Variants in SMPD3 observed in about 807,000 individuals in gnomAD.
The protein encoded by SMPD3 is sphingomyelin phosphodiesterase 3.
Under a neutral mutation model 55.7 loss-of-function variants are expected in SMPD3, and 21 were observed. The ratio of observed to expected loss-of-function variants is 0.38; its 90% CI spans 0.27 to 0.54. SMPD3 has a LOEUF of 0.54. SMPD3 is among the 20% of genes least tolerant of loss of function. The probability of loss-of-function intolerance (pLI) is 0.80; values close to 1 mark genes in which losing one functional copy is unlikely to be tolerated. For synonymous variants in SMPD3, 457 were observed against 404.3 expected (o/e 1.13, Z -1.56); for missense variants, 842 against 899.6 (o/e 0.94, Z 0.82).
chr16:68,364,334 G>C (rs1020635942), intron 5 of SMPD3: 4 of 225,376 alleles, frequency 1.8e-5, no homozygotes, highest in Admixed American at 1.1e-4. Flanking sequence ...CAGCCTCTCT[G>C]AGTCTCAGCT....
At chr16:68,399,315 T>C (rs779916527) in intron 1 of SMPD3, among the ~76,000 whole-genome samples, 4 of 152,146 alleles carry the variant, frequency 2.6e-5, no homozygotes, top group African/African-American at 2.4e-5. Flanking sequence ...AAGGTGAAGG[T>C]CAGGAGGTGA....
intron 3 of SMPD3, among the ~76,000 whole-genome samples, chr16:68,365,493 A>C (rs2151975579): frequency 6.6e-6 from 1 of 151,416 alleles, no homozygotes; most frequent in Middle Eastern, 3.4e-3. Flanking sequence ...ACCTGGTCAC[A>C]CCCTGGTGCT....
intron 1 of SMPD3, among the ~76,000 whole-genome samples, chr16:68,401,163 C>T (rs915546848): frequency 6.6e-6 from 1 of 152,216 alleles, no homozygotes; most frequent in Non-Finnish European, 1.5e-5. Context: ...ATTTGTCATG[C>T]TCCAAAGTCT....
At chr16:68,362,088 CA>C (rs1195641482) in intron 7 of SMPD3, among the ~76,000 whole-genome samples, 1 of 152,178 alleles carries the variant, frequency 6.6e-6, no homozygotes, top group Non-Finnish European at 1.5e-5. Context: ...CCTGAGCCAA[CA>C]GGGGCCTGTT....
rs1323742539 is a variant in SMPD3 at position 68,371,063 on chromosome 16, T to G, written c.1119A>C (p.Lys373Asn). ...AGTAGCCGTGCAGCTGCTCTTTCAATTTGGTGGCTGCTCGCTTGTCAAACA... is the reference window on the plus strand; with the variant it reads ...AGTAGCCGTGCAGCTGCTCTTTCAAGTTGGTGGCTGCTCGCTTGTCAAACA... The part of the protein sequence containing the change: ...QEVFDKRAAT[K>N]LKEQLHGYFE... The change falls in exon 3 of 9, where the codon AAA (lysine) becomes AAC (asparagine). Residue 373 changes from lysine to asparagine, a missense_variant. By Grantham distance (94) the Lys-to-Asn change is moderately conservative. Around this residue, in one of 2 missense-constraint regions of SMPD3, gnomAD observed 649 missense variants for 643.6 expected, o/e 1.01. Coordinates refer to ENST00000219334, the MANE Select transcript of SMPD3 (RefSeq NM_018667.4). 3 of 1,614,172 alleles carry G rather than the reference T, an allele frequency of 1.9e-6. No individual in the cohort carries two copies. The highest frequency in any genetic ancestry group is 1.7e-5 in the Admixed American group (1 of 60,022).
chr16:68,367,430 TTTGTCGTGCG>T (rs2089515155), intron 3 of SMPD3: 1 of 79,206 alleles, frequency 1.3e-5, no homozygotes, highest in African/African-American at 8.7e-5. Context: ...GTCGGATCTG[TTTGTCGTGCG>T]CTGCTGTGCG....
In SMPD3 at chr16:68,359,435, G is replaced by C. The variant is rs959912797; in HGVS notation, c.*1771C>G. ...CGGGCAGACGGTGCTTCCCAGGCCA[G>C]GTGAGTTCAGACAGGCCAGTGTCAC... On this transcript the variant is annotated 3_prime_UTR_variant, in exon 9 of 9. Transcript: ENST00000219334. The C allele has an allele frequency of 2.0e-5, 3 of 152,706 alleles. No homozygotes were observed. Among genetic ancestry groups the C allele is most frequent in the Admixed American group, 1.3e-4 (2 of 15,290 alleles). The allele number at this position is 152,706 out of a possible 1,614,324, so 9.5% of individuals were successfully genotyped here.
At chr16:68,397,017 G>C (rs2090163238) in intron 1 of SMPD3, among the ~76,000 whole-genome samples, 1 of 152,192 alleles carries the variant, frequency 6.6e-6, no homozygotes, top group African/African-American at 2.4e-5. Flanking sequence ...AAGCAGCCTG[G>C]GGAGGGTAGG....
intron 1 of SMPD3, among the ~76,000 whole-genome samples, chr16:68,419,318 A>G (rs561852466): frequency 5.9e-5 from 9 of 152,336 alleles, no homozygotes; most frequent in African/African-American, 2.2e-4. Context: ...TGGAACATGC[A>G]TTGAGCACAT....
chr16:68,365,498 G>C (rs1395734640), intron 3 of SMPD3, among the ~76,000 whole-genome samples: 1 of 150,814 alleles, frequency 6.6e-6, no homozygotes, highest in Non-Finnish European at 1.5e-5. Flanking sequence ...GTCACACCCT[G>C]GTGCTTTCTC....
intron 7 of SMPD3, among the ~76,000 whole-genome samples, chr16:68,363,155 A>C (rs1353852454): frequency 7.2e-6 from 1 of 138,570 alleles, no homozygotes; most frequent in African/African-American, 2.9e-5. Flanking sequence ...CAGCTCTTTC[A>C]TGGGGGTCGA....
intron 1 of SMPD3, among the ~76,000 whole-genome samples, chr16:68,434,971 G>A (rs1406283137): frequency 6.6e-6 from 1 of 152,214 alleles, no homozygotes; most frequent in African/African-American, 2.4e-5. Flanking sequence ...CCACTCCTAG[G>A]AGGTGCCCCA....
At chr16:68,362,035 C>T (rs1374185559) in intron 7 of SMPD3, among the ~76,000 whole-genome samples, 4 of 152,232 alleles carry the variant, frequency 2.6e-5, no homozygotes, top group East Asian at 1.9e-4. Context: ...TTTCTGAACT[C>T]GGACAGAACT....
At position 68,405,545 on chromosome 16, in the gene SMPD3, CAAAAA is replaced by C. The variant is rs67518521; in HGVS notation, c.-268-18891_-268-18887del. ...TGGGTGACAGAGCAAGACCCTGTCT[CAAAAA>C]AAAAAAAAAAAAAAAAAGAAAAGAA... On this transcript the variant is annotated intron_variant, in intron 1 of 8. Coordinates refer to ENST00000219334, the MANE Select transcript of SMPD3 (RefSeq NM_018667.4). 8.2e-5 allele frequency among the ~76,000 whole-genome samples: 6 copies of C among 73,006 alleles called. No individual in the cohort carries two copies. In the East Asian group the frequency reaches 1.8e-3, roughly 21 times the overall value. The allele number at this position is 73,006 out of a possible 152,430, so 47.9% of individuals were successfully genotyped here. A position where few individuals can be genotyped will look rare whatever the true frequency, so the allele number is the denominator to read the frequency against.
chr16:68,361,245 G>T lies in SMPD3; in HGVS notation c.1929C>A (p.Ala643=). The change falls in exon 9 of 9, where the codon GCC becomes GCA. Residue 643 remains alanine, a synonymous_variant. Coordinates refer to ENST00000219334, the MANE Select transcript of SMPD3 (RefSeq NM_018667.4). ...LSGLTDHLPV[A]MRLMVSSGEE... ...CCCCCGAAGACACCATCAGTCGCAT[G>T]GCTACTGGCAGGTGGTCCGTCAGGC... is the stretch of plus-strand genomic sequence containing the variant. 1 of 1,614,010 alleles carries T rather than the reference G, an allele frequency of 6.2e-7. No individual in the cohort carries two copies. The highest frequency in any genetic ancestry group is 8.5e-7 in the Non-Finnish European group (1 of 1,179,970).
intron 1 of SMPD3, among the ~76,000 whole-genome samples, chr16:68,441,694 A>G (rs2090566891): frequency 6.6e-6 from 1 of 152,196 alleles, no homozygotes; most frequent in Admixed American, 6.5e-5. Context: ...TAGACAACAG[A>G]TATATAGACA....
At position 68,407,570 on chromosome 16, in the gene SMPD3, A is replaced by T. The variant is rs1199331410; in HGVS notation, c.-268-20911T>A. On this transcript the variant is annotated intron_variant, in intron 1 of 8. Coordinates refer to ENST00000219334, the MANE Select transcript of SMPD3 (RefSeq NM_018667.4). Reference sequence around the variant, plus strand: ...AGCTGATCTCAAACTTCAAGCCTCAAAGGATCCTCCCGTCTCAGCCTCCCA... The same window carrying T: ...AGCTGATCTCAAACTTCAAGCCTCATAGGATCCTCCCGTCTCAGCCTCCCA... 9.2e-5 allele frequency among the ~76,000 whole-genome samples: 14 copies of T among 152,152 alleles called. 1 individual carries two copies. Among genetic ancestry groups the T allele is most frequent in the Non-Finnish European group, 8.8e-5 (6 of 68,028 alleles).
intron 1 of SMPD3, among the ~76,000 whole-genome samples, chr16:68,405,940 A>G (rs1183690499): frequency 6.6e-6 from 1 of 152,222 alleles, no homozygotes; most frequent in African/African-American, 2.4e-5. Context: ...CAGGTGGAGC[A>G]CATTCCTGAT....
chr16:68,363,603 C>T (rs1428776325), intron 6 of SMPD3, 44 bp from the exon 7 acceptor site: 2 of 1,588,912 alleles, frequency 1.3e-6, no homozygotes, highest in South Asian at 2.2e-5. Flanking sequence ...CAGGCAGGGC[C>T]CAGGCAGCCT....
Sources: allele counts gnomAD v4.1 joint callset (sites outside exome capture counted in the v4.1 genomes callset), GRCh38; gene constraint gnomAD v4.1.1; regional missense constraint gnomAD v4.1.1; transcripts MANE v1.5; gene names NCBI Gene and HGNC (gene_info 2026-07-23, HGNC 2026-07-21).